CERT1: variants seen among roughly 807,000 people sequenced by gnomAD.
CERT1 encodes the protein ceramide transfer protein.
Under a neutral mutation model 87.9 loss-of-function variants are expected in CERT1, and 31 were observed. That is an observed-to-expected ratio of 0.35 (90% CI 0.27 to 0.48). CERT1 has a LOEUF of 0.48. CERT1 is among the 20% of genes least tolerant of loss of function. CERT1 has a pLI of 0.99. For missense variants in CERT1, 487 were observed against 758.0 expected, an observed-to-expected ratio of 0.64 and a Z score of 4.20; for synonymous variants, 289 against 250.9, an observed-to-expected ratio of 1.15 and a Z score of -1.44.
intron 3 of CERT1, among the ~76,000 whole-genome samples, chr5:75,432,049 C>G (rs897213463): frequency 6.9e-6 from 1 of 145,384 alleles, no homozygotes; most frequent in African/African-American, 2.7e-5. Flanking sequence ...TATAAACATT[C>G]CCCCCCCCTT....
chr5:75,492,437 GA>G (rs1766843581), intron 2 of CERT1, among the ~76,000 whole-genome samples: 1 of 152,192 alleles, frequency 6.6e-6, no homozygotes, highest in Non-Finnish European at 1.5e-5. Context: ...GTGGTTCATT[GA>G]AAAGCTGTGG....
chr5:75,374,146 T>G (rs965457883), downstream of CERT1: 1 of 399,920 alleles, frequency 2.5e-6, no homozygotes, highest in Non-Finnish European at 4.4e-6. Context: ...CTTTTTTTTT[T>G]CTTTTTTTCT....
At chr5:75,385,545 A>T (rs1761750866) in intron 13 of CERT1, among the ~76,000 whole-genome samples, 1 of 152,250 alleles carries the variant, frequency 6.6e-6, no homozygotes, top group Non-Finnish European at 1.5e-5. Flanking sequence ...AGTTTAGGAA[A>T]GAGTAGATGA....
chr5:75,409,643 C>G, intron 8 of CERT1, among the ~76,000 whole-genome samples: 1 of 152,056 alleles, frequency 6.6e-6, no homozygotes, highest in East Asian at 1.9e-4. Context: ...TCTCCTGCCT[C>G]AGCCTCCCGA....
At chr5:75,388,903 G>A (rs1179014160) in intron 12 of CERT1, among the ~76,000 whole-genome samples, 1 of 152,016 alleles carries the variant, frequency 6.6e-6, no homozygotes, top group Admixed American at 6.6e-5. Context: ...TGGGATTACA[G>A]GCATAGCCAC....
At chr5:75,470,973 T>A (rs879363399) in intron 2 of CERT1, among the ~76,000 whole-genome samples, 9 of 151,704 alleles carry the variant, frequency 5.9e-5, no homozygotes, top group Non-Finnish European at 1.3e-4. Context: ...AAGAAGAAAA[T>A]AATCCCATTT....
At chr5:75,430,644 C>A (rs889381652) in intron 3 of CERT1, among the ~76,000 whole-genome samples, 7 of 151,768 alleles carry the variant, frequency 4.6e-5, no homozygotes, top group African/African-American at 1.7e-4. Context: ...GTAAATTGTA[C>A]CCCAATAAAG....
intron 3 of CERT1, among the ~76,000 whole-genome samples, chr5:75,433,290 C>T (rs150766131): frequency 0.012 from 1,756 of 152,258 alleles, 17 homozygotes; most frequent in Middle Eastern, 0.044. Flanking sequence ...GGCATTACAG[C>T]AGTTTTAACA....
intron 2 of CERT1, among the ~76,000 whole-genome samples, chr5:75,465,854 G>C (rs959084714): frequency 5.3e-5 from 8 of 152,302 alleles, no homozygotes; most frequent in South Asian, 2.1e-4. Flanking sequence ...AAGGAAAAGG[G>C]GGGGTAGAGA....
intron 17 of CERT1, chr5:75,370,374 G>A (rs985726035): frequency 9.9e-5 from 15 of 152,148 alleles, no homozygotes; most frequent in African/African-American, 2.7e-4. Context: ...GAGATTAAAC[G>A]AGATTTAAAT....
intron 2 of CERT1, among the ~76,000 whole-genome samples, chr5:75,470,027 T>C (rs1230047616): frequency 6.6e-6 from 1 of 152,178 alleles, no homozygotes. Flanking sequence ...AAATATAATA[T>C]GCATCCAACA....
At chr5:75,409,208 C>T (rs1561241720) in intron 8 of CERT1, among the ~76,000 whole-genome samples, 1 of 151,958 alleles carries the variant, frequency 6.6e-6, no homozygotes, top group Non-Finnish European at 1.5e-5. Context: ...CAAAAATCAT[C>T]ATTATAATAC....
At chr5:75,373,818 A>G, downstream of CERT1, 1 of 331,402 alleles carries the variant, frequency 3.0e-6, no homozygotes, top group Non-Finnish European at 5.4e-6. Context: ...AACCTGATAC[A>G]ACAGAGGATC....
chr5:75,388,630 A>G (rs1761908536), intron 12 of CERT1, among the ~76,000 whole-genome samples: 1 of 108,860 alleles, frequency 9.2e-6, no homozygotes, highest in African/African-American at 4.5e-5. Context: ...ATATATATAT[A>G]TATATATATA....
chr5:75,428,775 CTGT>C (rs146475491), intron 3 of CERT1, among the ~76,000 whole-genome samples: 3,920 of 152,052 alleles, frequency 0.026, 143 homozygotes, highest in African/African-American at 0.085. Context: ...TAAAACCAAA[CTGT>C]TAATTCATTA....
chr5:75,409,239 G>A (rs1293099946), intron 8 of CERT1, among the ~76,000 whole-genome samples: 1 of 151,986 alleles, frequency 6.6e-6, no homozygotes, highest in Non-Finnish European at 1.5e-5. Flanking sequence ...AACCTCAGAG[G>A]ATAGCTAATT....
In CERT1 at chr5:75,390,961, G is replaced by C. The variant is rs571172404; in HGVS notation, c.1189-1274C>G. Among the ~76,000 whole-genome samples, 5 of 151,366 alleles carry C rather than the reference G, an allele frequency of 3.3e-5. No homozygotes were observed. The East Asian group carries it at 9.7e-4, about 29-fold the overall frequency. ...TAAAACTATATGCCTGTGCCACCAT[G>C]CCTAACATTTTTTTTTTTTTAAGAG... On this transcript the variant is annotated intron_variant, in intron 11 of 16. Transcript: ENST00000643780.
intron 2 of CERT1, among the ~76,000 whole-genome samples, chr5:75,489,210 C>T (rs1766662335): frequency 6.6e-6 from 1 of 152,168 alleles, no homozygotes. Context: ...AAAACTGAAA[C>T]TGGACCCCTC....
At chr5:75,471,754 CAAA>C (rs796209502) in intron 2 of CERT1, among the ~76,000 whole-genome samples, 1 of 50,804 alleles carries the variant, frequency 2.0e-5, no homozygotes, top group African/African-American at 5.8e-5. Flanking sequence ...GACTTCATCT[CAAA>C]AAAAAAAAAA....
Sources: allele counts gnomAD v4.1 joint callset (sites outside exome capture counted in the v4.1 genomes callset), GRCh38; gene constraint gnomAD v4.1.1; transcripts MANE v1.5; gene names NCBI Gene and HGNC (gene_info 2026-07-23, HGNC 2026-07-21).